RBMS1: variants seen among roughly 807,000 people sequenced by gnomAD.
RBMS1 encodes RNA binding motif single stranded interacting protein 1, also known as RNA-binding motif, single-stranded-interacting protein 1.
RBMS1 carries 17 observed loss-of-function variants against 62.3 expected under a neutral mutation model. That is an observed-to-expected ratio of 0.27 (90% CI 0.19 to 0.41). The LOEUF is 0.41. RBMS1 is among the 10% of genes least tolerant of loss of function. The probability of loss-of-function intolerance (pLI) is 1.00; values close to 1 mark genes in which losing one functional copy is unlikely to be tolerated. For synonymous variants in RBMS1, 172 were observed against 170.0 expected (o/e 1.01, Z -0.09); for missense variants, 334 against 504.5 (o/e 0.66, Z 3.24).
intron 4 of RBMS1, among the ~76,000 whole-genome samples, chr2:160,311,209 A>AATCT (rs756246053): frequency 0.057 from 3,302 of 57,588 alleles, 142 homozygotes; most frequent in African/African-American, 0.099. Flanking sequence ...AAAAAAAAAA[A>AATCT]ATCTATCTAT....
At chr2:160,461,795 G>C (rs1398063501) in intron 1 of RBMS1, among the ~76,000 whole-genome samples, 1 of 152,206 alleles carries the variant, frequency 6.6e-6, no homozygotes, top group African/African-American at 2.4e-5. Flanking sequence ...ATTTCCAGTA[G>C]AAAATAATAG....
rs967368130 is a variant in RBMS1, at chr2:160,272,207, TAA to T, written c.*2563_*2564del. 6.6e-6 allele frequency: 1 copy of T among 152,166 alleles called. No homozygotes were observed. The highest frequency in any genetic ancestry group is 2.4e-5 in the African/African-American group (1 of 41,432). The allele number at this position is 152,166 out of a possible 1,614,324, so 9.4% of individuals were successfully genotyped here. ...CTCAAAAGAAATAAAACAGAAAAGC[TAA>T]CAATCTGATCAAATGTACAGTTCAA... On this transcript the variant is annotated 3_prime_UTR_variant, in exon 14 of 14. Coordinates refer to ENST00000348849, the MANE Select transcript of RBMS1 (RefSeq NM_016836.4).
intron 1 of RBMS1, among the ~76,000 whole-genome samples, chr2:160,398,970 C>T (rs1695297895): frequency 6.6e-6 from 1 of 152,154 alleles, no homozygotes; most frequent in African/African-American, 2.4e-5. Context: ...ACCTTCTAAA[C>T]TCAGGCTCTG....
chr2:160,352,030 T>C (rs769002897), intron 2 of RBMS1, among the ~76,000 whole-genome samples: 16 of 152,100 alleles, frequency 1.1e-4, no homozygotes, highest in Non-Finnish European at 2.1e-4. Flanking sequence ...CACAGACACA[T>C]GAACCTGAAA....
intron 2 of RBMS1, among the ~76,000 whole-genome samples, chr2:160,338,232 A>T (rs1691683698): frequency 6.6e-6 from 1 of 152,206 alleles, no homozygotes; most frequent in Non-Finnish European, 1.5e-5. Flanking sequence ...GGAAATTAAA[A>T]ATTTAAAGCC....
intron 1 of RBMS1, among the ~76,000 whole-genome samples, chr2:160,439,299 A>G (rs1171469871): frequency 2.3e-5 from 3 of 130,922 alleles, no homozygotes; most frequent in Non-Finnish European, 3.2e-5. Flanking sequence ...CTTCTCAGAC[A>G]GGGCGGCTGC....
At chr2:160,359,724 A>T (rs918419160) in intron 2 of RBMS1, among the ~76,000 whole-genome samples, 2 of 152,208 alleles carry the variant, frequency 1.3e-5, no homozygotes, top group African/African-American at 4.8e-5. Context: ...ATTTATTAGA[A>T]TGCCTTCACT....
At chr2:160,372,655 C>A (rs1270610955) in intron 1 of RBMS1, among the ~76,000 whole-genome samples, 6 of 152,220 alleles carry the variant, frequency 3.9e-5, no homozygotes, top group African/African-American at 1.4e-4. Context: ...GGGGCCCCCA[C>A]ATGGGCCAGT....
intron 2 of RBMS1, among the ~76,000 whole-genome samples, chr2:160,320,944 G>C (rs1195002284): frequency 1.3e-5 from 2 of 152,046 alleles, no homozygotes; most frequent in Non-Finnish European, 2.9e-5. Context: ...GGGGACGGTA[G>C]GTATGACTCC....
intron 1 of RBMS1, among the ~76,000 whole-genome samples, chr2:160,465,865 TAC>T (rs72005445): frequency 0.23 from 33,217 of 146,596 alleles, 4,102 homozygotes; most frequent in African/African-American, 0.34. Context: ...CACACACACA[TAC>T]ACACACACAC....
rs1351682265 is a variant in RBMS1 at position 160,313,395 on chromosome 2, G to C, written c.311-148C>G. 7.9e-6 allele frequency: 5 copies of C among 634,806 alleles called. No individual in the cohort carries two copies. The Admixed American group carries it at 1.6e-4, about 20-fold the overall frequency. The allele number at this position is 634,806 out of a possible 1,614,324, so 39.3% of individuals were successfully genotyped here. A position where few individuals can be genotyped will look rare whatever the true frequency, so the allele number is the denominator to read the frequency against. ...CAGGCGTTAACAGCTGCAGGCCAGT[G>C]GCCTCCTGGGCCCTTCTTCCCTGTC... On this transcript the variant is annotated intron_variant, in intron 3 of 13. Transcript: ENST00000348849.
chr2:160,453,463 T>C (rs1684083534), intron 1 of RBMS1, among the ~76,000 whole-genome samples: 1 of 152,186 alleles, frequency 6.6e-6, no homozygotes, highest in Non-Finnish European at 1.5e-5. Context: ...TTTTCCAAAT[T>C]ATCCCTGTAA....
intron 1 of RBMS1, among the ~76,000 whole-genome samples, chr2:160,459,926 T>G (rs1684393856): frequency 1.3e-5 from 2 of 152,228 alleles, no homozygotes; most frequent in Non-Finnish European, 2.9e-5. Context: ...ACTTCAAGCC[T>G]AAGCCTGCTG....
chr2:160,312,085 G>A (rs935401439), intron 4 of RBMS1, among the ~76,000 whole-genome samples: 8 of 152,198 alleles, frequency 5.3e-5, no homozygotes, highest in African/African-American at 1.9e-4. Context: ...TTTGAAAGTG[G>A]GGTTGGGGGG....
intron 1 of RBMS1, among the ~76,000 whole-genome samples, chr2:160,373,082 C>A (rs916493187): frequency 2.6e-5 from 4 of 152,138 alleles, no homozygotes; most frequent in Non-Finnish European, 4.4e-5. Flanking sequence ...TGGAAAAAAA[C>A]TTTGCAGCTT....
intron 1 of RBMS1, among the ~76,000 whole-genome samples, chr2:160,393,674 G>A (rs1263414420): frequency 4.6e-5 from 7 of 151,952 alleles, no homozygotes; most frequent in Admixed American, 3.3e-4. Flanking sequence ...CTACTCGGGA[G>A]GCTGAGGCAG....
chr2:160,406,093 T>C (rs1465953968), intron 1 of RBMS1, among the ~76,000 whole-genome samples: 1 of 152,140 alleles, frequency 6.6e-6, no homozygotes, highest in East Asian at 1.9e-4. Flanking sequence ...TAAATGCAGA[T>C]TTTATTTATT....
At chr2:160,341,724 TTA>T (rs1488869807) in intron 2 of RBMS1, among the ~76,000 whole-genome samples, 1 of 152,186 alleles carries the variant, frequency 6.6e-6, no homozygotes, top group Non-Finnish European at 1.5e-5. Context: ...ACCATCTGTT[TTA>T]TGTTTTAAAC....
chr2:160,372,592 C>A (rs975912242), intron 1 of RBMS1, among the ~76,000 whole-genome samples: 1 of 152,202 alleles, frequency 6.6e-6, no homozygotes, highest in Non-Finnish European at 1.5e-5. Context: ...TGTATGCTTT[C>A]AAGATGTAAA....
Sources: allele counts gnomAD v4.1 joint callset (sites outside exome capture counted in the v4.1 genomes callset), GRCh38; gene constraint gnomAD v4.1.1; transcripts MANE v1.5; gene names NCBI Gene and HGNC (gene_info 2026-07-23, HGNC 2026-07-21).